The following ADGRL2 variants were observed in gnomAD, a reference collection of about 807,000 sequenced individuals.
The protein encoded by ADGRL2 is calcium-independent alpha-latrotoxin receptor 2.
ADGRL2 carries 44 observed loss-of-function variants against 157.4 expected under a neutral mutation model. The ratio of observed to expected loss-of-function variants is 0.28; its 90% CI spans 0.22 to 0.36. The LOEUF (loss-of-function observed/expected upper bound fraction) is 0.36. Among genes scored for constraint, ADGRL2 ranks in the 10% least tolerant of loss-of-function variants. The pLI is 1.00. For missense variants in ADGRL2, 1,510 were observed against 1,768.9 expected (o/e 0.85, Z 2.63); for synonymous variants, 585 against 624.7 (o/e 0.94, Z 0.95).
At chr1:81,976,875 A>G (rs1327750531) in intron 17 of ADGRL2, among the ~76,000 whole-genome samples, 1 of 151,972 alleles carries the variant, frequency 6.6e-6, no homozygotes, top group Non-Finnish European at 1.5e-5. Context: ...TAACATAAAT[A>G]GGATTTCTTT....
rs1446388657 is a variant in ADGRL2 at position 81,869,791 on chromosome 1, G to GT, written c.73+32742dup. ...TACTTTATTTAGGTAGACGTGTTAA[G>GT]TTTTTTTTAATTAAAATTTTTTAGA... On this transcript the variant is annotated intron_variant, in intron 2 of 23. Coordinates refer to ENST00000686636, the MANE Select transcript of ADGRL2 (RefSeq NM_001366006.2). Among the ~76,000 whole-genome samples, 15 of 151,882 alleles carry GT rather than the reference G, an allele frequency of 9.9e-5. No individual in the cohort carries two copies. In the East Asian group the frequency reaches 2.7e-3, roughly 27 times the overall value.
At chr1:81,655,244 C>T (rs1449252683) in intron 3 of ADGRL2, among the ~76,000 whole-genome samples, 1 of 152,204 alleles carries the variant, frequency 6.6e-6, no homozygotes, top group Non-Finnish European at 1.5e-5. Context: ...TCGTGATCCG[C>T]CCGCCTCGGC....
At chr1:81,914,245 T>G (rs2094803419) in intron 3 of ADGRL2, among the ~76,000 whole-genome samples, 1 of 152,130 alleles carries the variant, frequency 6.6e-6, no homozygotes, top group Non-Finnish European at 1.5e-5. Flanking sequence ...TGAAAGATAT[T>G]TTTATTTAAT....
At chr1:81,763,822 C>A (rs2085995736) in intron 2 of ADGRL2, among the ~76,000 whole-genome samples, 1 of 151,944 alleles carries the variant, frequency 6.6e-6, no homozygotes, top group African/African-American at 2.4e-5. Context: ...GCCTGGCTAA[C>A]ATGGTGAAAC....
intron 1 of ADGRL2, among the ~76,000 whole-genome samples, chr1:81,813,148 T>C (rs2090042359): frequency 1.3e-5 from 2 of 151,790 alleles, no homozygotes; most frequent in Non-Finnish European, 3.0e-5. Context: ...TATTACATTT[T>C]ATTAAAAAAT....
At chr1:81,737,632 C>T (rs1353507820) in intron 1 of ADGRL2, among the ~76,000 whole-genome samples, 1 of 152,082 alleles carries the variant, frequency 6.6e-6, no homozygotes, top group Non-Finnish European at 1.5e-5. Flanking sequence ...ATTCTTATGG[C>T]TTAGATTATT....
At chr1:81,775,062 A>G (rs2086522770) in intron 2 of ADGRL2, among the ~76,000 whole-genome samples, 1 of 152,182 alleles carries the variant, frequency 6.6e-6, no homozygotes, top group African/African-American at 2.4e-5. Flanking sequence ...AACACTATTC[A>G]TATCGATATA....
chr1:81,433,531 T>C (rs537247339), intron 1 of ADGRL2, among the ~76,000 whole-genome samples: 60 of 152,298 alleles, frequency 3.9e-4, no homozygotes, highest in Admixed American at 1.1e-3. Flanking sequence ...TGAAAGCTGA[T>C]CTTACTCTAG....
intron 3 of ADGRL2, among the ~76,000 whole-genome samples, chr1:81,683,316 G>A (rs189269668): frequency 1.4e-4 from 21 of 152,128 alleles, no homozygotes; most frequent in African/African-American, 5.1e-4. Context: ...TTTTCCATAA[G>A]TTATTGGGGT....
At chr1:81,445,626 A>G (rs904653264) in intron 2 of ADGRL2, among the ~76,000 whole-genome samples, 12 of 152,166 alleles carry the variant, frequency 7.9e-5, no homozygotes, top group African/African-American at 2.9e-4. Flanking sequence ...CCTGGTTATT[A>G]CTAAGTAATT....
chr1:81,629,840 C>T (rs902305402), intron 3 of ADGRL2, among the ~76,000 whole-genome samples: 3 of 151,862 alleles, frequency 2.0e-5, no homozygotes, highest in African/African-American at 7.3e-5. Context: ...ATCCTCCTAC[C>T]TCAGCTTGCC....
At chr1:81,558,165 T>A (rs2080357242) in intron 2 of ADGRL2, among the ~76,000 whole-genome samples, 1 of 152,128 alleles carries the variant, frequency 6.6e-6, no homozygotes. Context: ...ATGTGCAAAG[T>A]AGAAGTAAAT....
chr1:81,583,403 G>GT (rs368504440), intron 3 of ADGRL2, among the ~76,000 whole-genome samples: 4,324 of 150,364 alleles, frequency 0.029, 198 homozygotes, highest in African/African-American at 0.097. Flanking sequence ...GTTGTTTGTT[G>GT]TTTTTTTTTC....
chr1:81,492,627 T>A (rs930018064), intron 2 of ADGRL2, among the ~76,000 whole-genome samples: 2 of 152,184 alleles, frequency 1.3e-5, no homozygotes, highest in Admixed American at 1.3e-4. Context: ...AAACTTAAAC[T>A]AAGAATGCTT....
chr1:81,864,275 G>A (rs1332130637), intron 2 of ADGRL2, among the ~76,000 whole-genome samples: 1 of 148,140 alleles, frequency 6.8e-6, no homozygotes, highest in Non-Finnish European at 1.5e-5. Context: ...TTTAAATGGG[G>A]AATTAAGTGC....
intron 1 of ADGRL2, among the ~76,000 whole-genome samples, chr1:81,372,712 C>A (rs547293816): frequency 6.6e-6 from 1 of 152,258 alleles, no homozygotes; most frequent in Non-Finnish European, 1.5e-5. Flanking sequence ...AAATAATGTA[C>A]ATAACTAGGC....
chr1:81,517,142 C>A (rs997174686), intron 2 of ADGRL2, among the ~76,000 whole-genome samples: 1 of 152,008 alleles, frequency 6.6e-6, no homozygotes, highest in Admixed American at 6.6e-5. Context: ...TAATTCCACA[C>A]CCAGAGGTGA....
intron 10 of ADGRL2, among the ~76,000 whole-genome samples, chr1:81,955,338 GTT>G (rs67444684): frequency 1.9e-4 from 29 of 149,412 alleles, no homozygotes; most frequent in South Asian, 1.7e-3. Context: ...ATGCCACCTT[GTT>G]TTTTTTTTAT....
chr1:81,345,555 AT>A (rs1662421056), intron 1 of ADGRL2, among the ~76,000 whole-genome samples: 1 of 152,232 alleles, frequency 6.6e-6, no homozygotes, highest in Non-Finnish European at 1.5e-5. Context: ...TAAATTATCC[AT>A]TAATATTAAA....
Sources: gnomAD v4.1 joint callset for allele counts (sites outside exome capture counted in the v4.1 genomes callset) on GRCh38, gnomAD v4.1.1 for gene constraint, MANE v1.5 for transcripts, NCBI Gene and HGNC (gene_info 2026-07-23, HGNC 2026-07-21) for gene names.